FGGY: variants seen among roughly 807,000 people sequenced by gnomAD.
FGGY encodes FGGY carbohydrate kinase domain containing.
In FGGY, 72 loss-of-function variants were observed where a neutral mutation model predicts 71.3. That is an observed-to-expected ratio of 1.01 (90% CI 0.84 to 1.23). The LOEUF is 1.23. Among genes scored for constraint, FGGY ranks in the 50% most tolerant of loss-of-function variants. The pLI is 0.00. For synonymous variants in FGGY, 251 were observed against 250.3 expected (o/e 1.00, Z -0.02); for missense variants, 668 against 682.3 (o/e 0.98, Z 0.23).
At chr1:59,433,874 A>G (rs190700011) in intron 5 of FGGY, among the ~76,000 whole-genome samples, 132 of 152,228 alleles carry the variant, frequency 8.7e-4, no homozygotes, top group African/African-American at 3.0e-3. Context: ...TTTAGGGAGG[A>G]AACTTTATGG....
At chr1:59,691,522 C>CGTCTG (rs1558812088) in intron 14 of FGGY, among the ~76,000 whole-genome samples, 1 of 152,106 alleles carries the variant, frequency 6.6e-6, no homozygotes, top group African/African-American at 2.4e-5. Flanking sequence ...ATTGATTTTC[C>CGTCTG]GTCTGGGGAT....
intron 14 of FGGY, among the ~76,000 whole-genome samples, chr1:59,675,708 C>G (rs1448725012): frequency 6.6e-6 from 1 of 152,190 alleles, no homozygotes; most frequent in African/African-American, 2.4e-5. Flanking sequence ...GAGATGTTCT[C>G]ACAATTAAAT....
chr1:59,588,818 C>A (rs1417286116), intron 8 of FGGY, among the ~76,000 whole-genome samples: 1 of 152,182 alleles, frequency 6.6e-6, no homozygotes, highest in Non-Finnish European at 1.5e-5. Context: ...ACAACCGGTA[C>A]CAGCCACTGG....
At chr1:59,450,503 C>T (rs2072450339) in intron 5 of FGGY, among the ~76,000 whole-genome samples, 1 of 152,006 alleles carries the variant, frequency 6.6e-6, no homozygotes, top group Non-Finnish European at 1.5e-5. Context: ...ATAAAGTATT[C>T]TCCTTCTCCC....
At position 59,693,957 on chromosome 1, in the gene FGGY, A is replaced by G. The variant is rs188546137; in HGVS notation, c.1512+19824A>G. On this transcript the variant is annotated intron_variant, in intron 14 of 15. Transcript: ENST00000303721. ...GGGAGGCAGAAGTTGCAGTGAGCCAATGTTACGCCACTGCACTCCAGCCTG... is the reference window on the plus strand; with the variant it reads ...GGGAGGCAGAAGTTGCAGTGAGCCAGTGTTACGCCACTGCACTCCAGCCTG... Among the ~76,000 whole-genome samples, 140 of 151,760 alleles carry G rather than the reference A, an allele frequency of 9.2e-4. 1 individual carries two copies. The highest frequency in any genetic ancestry group is 3.1e-3 in the African/African-American group (130 of 41,324).
intron 5 of FGGY, among the ~76,000 whole-genome samples, chr1:59,388,887 T>C (rs562329728): frequency 1.3e-5 from 2 of 152,286 alleles, no homozygotes; most frequent in African/African-American, 4.8e-5. Flanking sequence ...TTCTAAAACT[T>C]ATTTATCACC....
rs188071280 is a variant in FGGY, at chr1:59,457,007, G to T, written c.601G>T (p.Gly201Cys). 2 of 1,614,124 alleles carry T rather than the reference G, an allele frequency of 1.2e-6. No homozygotes were observed. Among genetic ancestry groups the T allele is most frequent in the East Asian group, 2.2e-5 (1 of 44,874 alleles). ...TAAGTGGACATATTCAGCAGAGAAA[G>T]GCTGGGACGACAGTTTCTGGAAAAT... Reference protein sequence around the residue: ...VCKWTYSAEKGWDDSFWKMIG... With the variant: ...VCKWTYSAEKCWDDSFWKMIG... Residue 201 changes from glycine (G) to cysteine (C), a missense_variant, in exon 6 of 16, where the codon GGC (glycine) becomes TGC (cysteine). Gly to Cys is a radical substitution (Grantham distance 159, BLOSUM62 -3). Around this residue, in one of 2 missense-constraint regions of FGGY, gnomAD observed 661 missense variants for 661.6 expected, o/e 1.00. Coordinates refer to ENST00000303721, the MANE Select transcript of FGGY (RefSeq NM_018291.5).
At chr1:59,660,161 T>G (rs1028105825) in intron 11 of FGGY, 58 bp from the exon 12 acceptor site, 12 of 1,470,066 alleles carry the variant, frequency 8.2e-6, no homozygotes, top group Non-Finnish European at 9.5e-7. Flanking sequence ...GGGAACTATC[T>G]TTATCCACGG....
chr1:59,454,887 A>G (rs992475825), intron 5 of FGGY, among the ~76,000 whole-genome samples: 2 of 152,242 alleles, frequency 1.3e-5, no homozygotes, highest in African/African-American at 4.8e-5. Flanking sequence ...TTAAACATTT[A>G]TTAAGTGAGT....
chr1:59,425,260 T>C (rs1450840464), intron 5 of FGGY, among the ~76,000 whole-genome samples: 1 of 152,224 alleles, frequency 6.6e-6, no homozygotes, highest in African/African-American at 2.4e-5. Flanking sequence ...AACATTTGAT[T>C]AAATTTGCAT....
rs550053566 is a variant in FGGY, at chr1:59,663,303, C to G, written c.1296+3010C>G. On this transcript the variant is annotated intron_variant, in intron 12 of 15. Coordinates refer to ENST00000303721, the MANE Select transcript of FGGY (RefSeq NM_018291.5). Reference sequence around the variant, plus strand: ...CCAGGCTTCTGCTCTTTCCACTTTACCATGCTGCATTTTCCTTTGATCTGT... The same window carrying G: ...CCAGGCTTCTGCTCTTTCCACTTTAGCATGCTGCATTTTCCTTTGATCTGT... 2.8e-3 allele frequency among the ~76,000 whole-genome samples: 433 copies of G among 152,338 alleles called. 4 individuals are homozygous for G. Among genetic ancestry groups the G allele is most frequent in the African/African-American group, 0.01 (417 of 41,574 alleles).
At chr1:59,533,696 C>T (rs1570801616) in intron 7 of FGGY, among the ~76,000 whole-genome samples, 1 of 146,194 alleles carries the variant, frequency 6.8e-6, no homozygotes, top group South Asian at 2.4e-4. Flanking sequence ...ACCCCTGAAC[C>T]CCGAGCAGCC....
At chr1:59,691,698 C>T (rs1159559416) in intron 14 of FGGY, among the ~76,000 whole-genome samples, 2 of 143,294 alleles carry the variant, frequency 1.4e-5, no homozygotes, top group Non-Finnish European at 3.0e-5. Context: ...ACTTTGGGGA[C>T]TTAACACTAC....
intron 7 of FGGY, among the ~76,000 whole-genome samples, chr1:59,546,187 A>G (rs1399898255): frequency 6.6e-6 from 1 of 152,194 alleles, no homozygotes; most frequent in African/African-American, 2.4e-5. Context: ...GTTAATCTCC[A>G]TGATAGCCCT....
At chr1:59,575,416 G>T (rs572277709) in intron 8 of FGGY, among the ~76,000 whole-genome samples, 44 of 152,250 alleles carry the variant, frequency 2.9e-4, no homozygotes, top group Middle Eastern at 6.8e-3. Context: ...AGGATCGTCT[G>T]TGTCACTGCA....
rs143769634 is a variant in FGGY at position 59,463,928 on chromosome 1, A to T, written c.670+6852A>T. On this transcript the variant is annotated intron_variant, in intron 6 of 15. Coordinates refer to ENST00000303721, the MANE Select transcript of FGGY (RefSeq NM_018291.5). ...CACAATAATAATGTGAGACTTTAACACCCCACTGTCAATATTCCACAGATC... is the reference window on the plus strand; with the variant it reads ...CACAATAATAATGTGAGACTTTAACTCCCCACTGTCAATATTCCACAGATC... Among the ~76,000 whole-genome samples, 1,098 of 152,274 alleles carry T rather than the reference A, an allele frequency of 7.2e-3. 10 individuals carry two copies. Among genetic ancestry groups the T allele is most frequent in the African/African-American group, 0.025 (1,025 of 41,540 alleles).
At chr1:59,628,573 T>C (rs2096880284) in intron 10 of FGGY, among the ~76,000 whole-genome samples, 1 of 152,188 alleles carries the variant, frequency 6.6e-6, no homozygotes, top group Non-Finnish European at 1.5e-5. Flanking sequence ...ATTTCTTAGG[T>C]GATGAGTAAA....
At chr1:59,514,246 A>T (rs1419591533) in intron 7 of FGGY, among the ~76,000 whole-genome samples, 1 of 152,162 alleles carries the variant, frequency 6.6e-6, no homozygotes, top group African/African-American at 2.4e-5. Flanking sequence ...GACAGTGTCA[A>T]TCATCCACCC....
At chr1:59,544,709 T>C (rs1379287733) in intron 7 of FGGY, among the ~76,000 whole-genome samples, 1 of 152,092 alleles carries the variant, frequency 6.6e-6, no homozygotes, top group East Asian at 1.9e-4. Context: ...AAAAGTGAGT[T>C]TCGAAGAGGT....
Sources: gnomAD v4.1 joint callset for allele counts (sites outside exome capture counted in the v4.1 genomes callset) on GRCh38, gnomAD v4.1.1 for gene constraint, gnomAD v4.1.1 regional missense constraint, MANE v1.5 for transcripts, NCBI Gene and HGNC (gene_info 2026-07-23, HGNC 2026-07-21) for gene names.